VMP1: variants seen among roughly 807,000 people sequenced by gnomAD.
The protein encoded by VMP1 is vacuole membrane protein 1.
In VMP1, 11 loss-of-function variants were observed where a neutral mutation model predicts 56.0. The observed-to-expected ratio is 0.20, with a 90% CI of 0.12 to 0.32. VMP1 has a LOEUF of 0.32. Among genes scored for constraint, VMP1 ranks in the 10% least tolerant of loss-of-function variants. VMP1 has a pLI of 1.00. For missense variants in VMP1, 296 were observed against 490.3 expected (o/e 0.60, Z 3.74); for synonymous variants, 149 against 165.0 (o/e 0.90, Z 0.74).
At chr17:59,719,065 C>G (rs1389979331) in intron 1 of VMP1, among the ~76,000 whole-genome samples, 1 of 152,108 alleles carries the variant, frequency 6.6e-6, no homozygotes, top group Non-Finnish European at 1.5e-5. Context: ...AAGTGGAAAA[C>G]TATATCAAAG....
intron 5 of VMP1, among the ~76,000 whole-genome samples, chr17:59,742,146 C>G (rs1244796579): frequency 6.6e-6 from 1 of 151,956 alleles, no homozygotes; most frequent in African/African-American, 2.4e-5. Context: ...TGCTGGTGCC[C>G]GTAGTTGAAT....
chr17:59,806,816 T>C (rs1051152770), intron 7 of VMP1, among the ~76,000 whole-genome samples: 2 of 152,052 alleles, frequency 1.3e-5, no homozygotes, highest in African/African-American at 4.8e-5. Flanking sequence ...GGAAATAAAT[T>C]ATAAAATTGC....
At chr17:59,714,466 G>A (rs968617782) in intron 1 of VMP1, among the ~76,000 whole-genome samples, 15 of 151,844 alleles carry the variant, frequency 9.9e-5, no homozygotes, top group African/African-American at 3.6e-4. Flanking sequence ...GTTTTGGAGG[G>A]GACACATACT....
At chr17:59,724,257 A>G (rs1044477700) in intron 1 of VMP1, among the ~76,000 whole-genome samples, 2 of 151,972 alleles carry the variant, frequency 1.3e-5, no homozygotes, top group African/African-American at 4.8e-5. Context: ...AAGAAAGTCA[A>G]TGTCTGAAAA....
At chr17:59,747,322 G>A (rs759541779) in intron 5 of VMP1, among the ~76,000 whole-genome samples, 3 of 152,052 alleles carry the variant, frequency 2.0e-5, no homozygotes, top group Non-Finnish European at 4.4e-5. Context: ...CATTGGGAGA[G>A]GGAGGCAGGG....
chr17:59,757,327 A>AT (rs1406282966), intron 5 of VMP1, among the ~76,000 whole-genome samples: 10 of 151,766 alleles, frequency 6.6e-5, no homozygotes, highest in Admixed American at 1.3e-4. Flanking sequence ...TTCTAGGACA[A>AT]TTTTTTTTGA....
intron 5 of VMP1, among the ~76,000 whole-genome samples, chr17:59,757,859 C>CTTTTTTTTTT (rs66605258): frequency 4.4e-5 from 4 of 91,294 alleles, no homozygotes; most frequent in African/African-American, 1.2e-4. Context: ...TTATTTGCCA[C>CTTTTTTTTTT]TTTTTTTTTT....
At chr17:59,821,638 C>T (rs946552565) in intron 10 of VMP1, among the ~76,000 whole-genome samples, 4 of 150,492 alleles carry the variant, frequency 2.7e-5, no homozygotes, top group African/African-American at 7.4e-5. Flanking sequence ...CCGAAACCTC[C>T]GCCTCCTGGG....
chr17:59,829,041 G>A (rs534564970), intron 10 of VMP1, among the ~76,000 whole-genome samples: 43 of 152,266 alleles, frequency 2.8e-4, no homozygotes, highest in African/African-American at 9.6e-4. Context: ...GCTTGAAGCC[G>A]GGAGGTGAAG....
At position 59,841,121 on chromosome 17, in the gene VMP1, T is replaced by C. The variant is rs1464774163; in HGVS notation, c.*1210T>C. On this transcript the variant is annotated 3_prime_UTR_variant, in exon 12 of 12. Transcript: ENST00000262291. ...GAGCATTATGAGCATTATGTCAGAA[T>C]AGAATAGAATTGGGGTTCGATCTTA... 2 of 238,220 alleles carry C rather than the reference T, an allele frequency of 8.4e-6. No individual in the cohort carries two copies. Among genetic ancestry groups the C allele is most frequent in the African/African-American group, 4.5e-5 (2 of 44,872 alleles). 14.8% of individuals were successfully genotyped at this position (238,220 alleles called of 1,614,324 possible). A position where few individuals can be genotyped will look rare whatever the true frequency, so the allele number is the denominator to read the frequency against.
chr17:59,759,418 G>T (rs2035962475), intron 5 of VMP1, among the ~76,000 whole-genome samples: 1 of 151,998 alleles, frequency 6.6e-6, no homozygotes, highest in African/African-American at 2.4e-5. Context: ...TTGGGGATTT[G>T]TTCATTTCTG....
At chr17:59,786,111 T>C (rs755083901) in intron 7 of VMP1, among the ~76,000 whole-genome samples, 9 of 152,210 alleles carry the variant, frequency 5.9e-5, no homozygotes, top group Non-Finnish European at 1.2e-4. Context: ...CAAAAAACAG[T>C]TTATTAGTTG....
intron 1 of VMP1, among the ~76,000 whole-genome samples, chr17:59,724,401 C>T (rs1208092718): frequency 1.3e-5 from 2 of 151,832 alleles, no homozygotes; most frequent in African/African-American, 2.4e-5. Context: ...AATAACTGGG[C>T]TAGGCACAGT....
chr17:59,784,399 A>G (rs1598389760), intron 7 of VMP1, among the ~76,000 whole-genome samples: 1 of 151,780 alleles, frequency 6.6e-6, no homozygotes, highest in East Asian at 1.9e-4. Flanking sequence ...GAACTATTTT[A>G]TGATTCCCTT....
chr17:59,815,337 A>G (rs2038188977), intron 9 of VMP1, among the ~76,000 whole-genome samples: 1 of 152,192 alleles, frequency 6.6e-6, no homozygotes, highest in Non-Finnish European at 1.5e-5. Flanking sequence ...CAACATACTC[A>G]TTCATGTTAT....
At chr17:59,751,443 A>G (rs1203890443) in intron 5 of VMP1, among the ~76,000 whole-genome samples, 1 of 151,922 alleles carries the variant, frequency 6.6e-6, no homozygotes, top group African/African-American at 2.4e-5. Flanking sequence ...CAAAATTTCT[A>G]TCTTAATAAT....
At chr17:59,837,096 G>A (rs2039007131) in intron 10 of VMP1, among the ~76,000 whole-genome samples, 1 of 151,914 alleles carries the variant, frequency 6.6e-6, no homozygotes, top group African/African-American at 2.4e-5. Context: ...CCAGCTACTT[G>A]GGAGGCTGAG....
chr17:59,801,544 G>A (rs115958989), intron 7 of VMP1, among the ~76,000 whole-genome samples: 2,191 of 152,084 alleles, frequency 0.014, 45 homozygotes, highest in African/African-American at 0.049. Flanking sequence ...ATGAGCCACT[G>A]TGCCTGGCCC....
chr17:59,808,996 C>A, intron 8 of VMP1, 120 bp downstream of exon 8: 27 of 752,950 alleles, frequency 3.6e-5, no homozygotes, highest in Non-Finnish European at 5.1e-5. Flanking sequence ...TTTTGTGAAT[C>A]ATTCACCTTT....
Sources: allele counts gnomAD v4.1 joint callset (sites outside exome capture counted in the v4.1 genomes callset), GRCh38; gene constraint gnomAD v4.1.1; transcripts MANE v1.5; gene names NCBI Gene and HGNC (gene_info 2026-07-23, HGNC 2026-07-21).